The following RNF175 variants were observed in gnomAD, a reference collection of about 807,000 sequenced individuals.
RNF175 encodes the protein ring finger protein 175.
Under a neutral mutation model 50.0 loss-of-function variants are expected in RNF175, and 38 were observed. The observed-to-expected ratio is 0.76, with a 90% CI of 0.59 to 1.00. RNF175 has a LOEUF of 1.00. RNF175 is among the 50% of genes least tolerant of loss of function. RNF175 has a pLI of 0.00. For missense variants in RNF175, 388 were observed against 409.6 expected (o/e 0.95, Z 0.46); for synonymous variants, 155 against 146.1 (o/e 1.06, Z -0.44).
chr4:153,754,527 T>C (rs1740468773), intron 1 of RNF175, among the ~76,000 whole-genome samples: 1 of 152,156 alleles, frequency 6.6e-6, no homozygotes, highest in Non-Finnish European at 1.5e-5. Flanking sequence ...TTAGGCACCG[T>C]AGTGAGTTGA....
chr4:153,756,854 T>C (rs1378415067), intron 1 of RNF175, among the ~76,000 whole-genome samples: 1 of 152,244 alleles, frequency 6.6e-6, no homozygotes, highest in African/African-American at 2.4e-5. Flanking sequence ...ACTCTTTAGA[T>C]AGGGTGGCTA....
chr4:153,740,303 TAA>T (rs558759978), intron 3 of RNF175, among the ~76,000 whole-genome samples: 5 of 152,300 alleles, frequency 3.3e-5, no homozygotes, highest in Middle Eastern at 3.4e-3. Flanking sequence ...ATAATTATTT[TAA>T]GTTTTATTTT....
intron 7 of RNF175, chr4:153,712,974 A>G (rs1407893005): frequency 1.3e-5 from 2 of 158,368 alleles, no homozygotes; most frequent in Non-Finnish European, 2.7e-5. Context: ...CTTTTTGTGC[A>G]TTATTCTTTA....
intron 4 of RNF175, among the ~76,000 whole-genome samples, chr4:153,724,796 A>G (rs1051172558): frequency 2.0e-5 from 3 of 152,012 alleles, no homozygotes; most frequent in African/African-American, 4.8e-5. Context: ...CATCACTTCT[A>G]TGGTGAACCA....
At chr4:153,721,145 T>A (rs1320839835) in intron 5 of RNF175, among the ~76,000 whole-genome samples, 2 of 137,836 alleles carry the variant, frequency 1.5e-5, no homozygotes, top group Non-Finnish European at 3.2e-5. Context: ...TTTGTGATCA[T>A]CCCCCCAGCC....
chr4:153,715,285 G>A (rs1004437772), intron 7 of RNF175: 1 of 541,250 alleles, frequency 1.8e-6, no homozygotes, highest in African/African-American at 1.9e-5. Context: ...CTGCCTTCCT[G>A]TCTATGTGGC....
At chr4:153,742,027 T>G (rs1283626218) in intron 3 of RNF175, among the ~76,000 whole-genome samples, 1 of 152,136 alleles carries the variant, frequency 6.6e-6, no homozygotes, top group Non-Finnish European at 1.5e-5. Context: ...TCCCAGCACC[T>G]TGGGAGGCCA....
rs2127090257 is a variant in RNF175, at chr4:153,715,609, T to A, written c.684A>T (p.Ala228=). 1 of 1,613,916 alleles carries A rather than the reference T, an allele frequency of 6.2e-7. No individual in the cohort carries two copies. The highest frequency in any genetic ancestry group is 8.5e-7 in the Non-Finnish European group (1 of 1,179,816). ...PTRSLSDNIC[A]VCGQKIIVEL... ...CCACAATGATCTTCTGCCCACAGAC[T>A]GCACAGATATTGTCCGATAAGCTCC... is the stretch of plus-strand genomic sequence containing the variant. The change falls in exon 7 of 9, where the codon GCA becomes GCT. Residue 228 remains alanine (A), a synonymous_variant. Transcript: ENST00000347063.
At chr4:153,748,839 AG>A in intron 2 of RNF175, 53 bp from the exon 3 acceptor site, 1 of 1,506,262 alleles carries the variant, frequency 6.6e-7, no homozygotes, top group Non-Finnish European at 8.9e-7. Flanking sequence ...TTGCGCATTT[AG>A]CAAAAAAAAC....
chr4:153,746,435 G>A (rs11099899), intron 3 of RNF175, among the ~76,000 whole-genome samples: 46,186 of 120,088 alleles, frequency 0.38, 12,468 homozygotes, highest in East Asian at 0.81. Flanking sequence ...TCTCATGTCC[G>A]TAGCTCTCCT....
rs2405432 is a variant in RNF175 at position 153,710,391 on chromosome 4, A to T, written c.965T>A (p.Ile322Asn). Residue 322 changes from isoleucine (I) to asparagine (N), a missense_variant, in exon 9 of 9, where the codon ATC becomes AAC. Physicochemically the swap from Ile to Asn is moderately radical, Grantham distance 149. Transcript: ENST00000347063. The stretch of plus-strand genomic sequence containing the variant: ...GTCCTATTCCAGCCCTAGTGAATAG[A>T]TAATGCCTTGAACTATTCCTATCAC... Reference protein sequence around the residue: ...PVVIGIVQGIIYSLGLE With the variant: ...PVVIGIVQGINYSLGLE 1,546,158 of 1,560,284 alleles carry T rather than the reference A, an allele frequency of 0.99. 766,415 individuals are homozygous for T. The highest frequency in any genetic ancestry group is 1 in the East Asian group (42,109 of 42,134).
At chr4:153,732,982 T>C (rs935561457) in intron 3 of RNF175, among the ~76,000 whole-genome samples, 1 of 152,228 alleles carries the variant, frequency 6.6e-6, no homozygotes, top group Non-Finnish European at 1.5e-5. Context: ...CTTTCCACTT[T>C]TGACATCACA....
intron 6 of RNF175, among the ~76,000 whole-genome samples, chr4:153,719,155 T>C (rs1738167567): frequency 6.6e-6 from 1 of 152,124 alleles, no homozygotes. Context: ...CCTCTCTGTG[T>C]CCATGTGTTC....
In RNF175 at chr4:153,712,518, A is replaced by C; in HGVS notation, c.823T>G (p.Tyr275Asp). 1.2e-6 allele frequency: 2 copies of C among 1,613,066 alleles called. No homozygotes were observed. Among genetic ancestry groups the C allele is most frequent in the Non-Finnish European group, 1.7e-6 (2 of 1,179,226 alleles). Residue 275 changes from tyrosine (Y) to aspartate (D), a missense_variant, in exon 8 of 9, where the codon TAC becomes GAC. Physicochemically the swap from Tyr to Asp is radical, Grantham distance 160. Coordinates refer to ENST00000347063, the MANE Select transcript of RNF175 (RefSeq NM_173662.4). The part of the protein sequence containing the change: ...CIVGKKQTCP[Y>D]CKEKVDLKRM... ...TTCAAATCAACTTTCTCTTTGCAGT[A>C]AGGGCAAGTCTGCTTTTTCCCAACG...
chr4:153,743,653 G>T (rs1739807673), intron 3 of RNF175, among the ~76,000 whole-genome samples: 1 of 152,086 alleles, frequency 6.6e-6, no homozygotes, highest in Non-Finnish European at 1.5e-5. Context: ...CACCTCCAAG[G>T]TGATCCTTAG....
intron 6 of RNF175, among the ~76,000 whole-genome samples, chr4:153,718,218 G>T (rs73854416): frequency 0.29 from 8,104 of 28,026 alleles, 629 homozygotes; most frequent in East Asian, 0.49. Context: ...AGTTTTTTTT[G>T]TTTGTTTGTT....
chr4:153,715,455 C>CAGGAGG (rs758426305), intron 7 of RNF175, 74 bp downstream of exon 7: 2 of 1,403,402 alleles, frequency 1.4e-6, no homozygotes, highest in East Asian at 2.5e-5. Context: ...GAGATGGGGA[C>CAGGAGG]AGGAGGAGGA....
chr4:153,753,947 T>G (rs28660354), intron 1 of RNF175, among the ~76,000 whole-genome samples: 146,826 of 150,482 alleles, frequency 0.98, 71,741 homozygotes, highest in East Asian at 1. Flanking sequence ...GAGGCGGGCG[T>G]ATCACGAGGT....
chr4:153,718,209 G>GTTTTT (rs1238895381), intron 6 of RNF175, among the ~76,000 whole-genome samples: 32 of 92,600 alleles, frequency 3.5e-4, no homozygotes, highest in Admixed American at 1.7e-3. Context: ...TTCCTAAGGA[G>GTTTTT]TTTTTTTTGT....
Sources: gnomAD v4.1 joint callset for allele counts (sites outside exome capture counted in the v4.1 genomes callset) on GRCh38, gnomAD v4.1.1 for gene constraint, MANE v1.5 for transcripts, NCBI Gene and HGNC (gene_info 2026-07-23, HGNC 2026-07-21) for gene names.